ATP10A: variants seen among roughly 807,000 people sequenced by gnomAD.
ATP10A encodes phospholipid-transporting ATPase VA.
In ATP10A, 111 loss-of-function variants were observed where a neutral mutation model predicts 147.8. The observed-to-expected ratio is 0.75, with a 90% CI of 0.64 to 0.88. ATP10A has a LOEUF of 0.88. Among genes scored for constraint, ATP10A ranks in the 40% least tolerant of loss-of-function variants. ATP10A has a pLI of 0.00. For missense variants in ATP10A, 1,927 were observed against 1,959.0 expected (o/e 0.98, Z 0.31); for synonymous variants, 875 against 841.6 (o/e 1.04, Z -0.69).
chr15:25,802,420 T>C (rs28532167), intron 1 of ATP10A, among the ~76,000 whole-genome samples: 62,562 of 151,670 alleles, frequency 0.41, 13,322 homozygotes, highest in Middle Eastern at 0.54. Flanking sequence ...ACCTTGCGTG[T>C]TGTGTTCCGA....
At chr15:25,739,495 CG>C in intron 2 of ATP10A, among the ~76,000 whole-genome samples, 1 of 152,224 alleles carries the variant, frequency 6.6e-6, no homozygotes, top group South Asian at 2.1e-4. Flanking sequence ...CTCGGATCTC[CG>C]GGGTCTCTGT....
intron 1 of ATP10A, among the ~76,000 whole-genome samples, chr15:25,784,669 A>T (rs1260012977): frequency 6.6e-6 from 1 of 152,186 alleles, no homozygotes; most frequent in Non-Finnish European, 1.5e-5. Flanking sequence ...TCACGCCTGT[A>T]ATCCCAGCAC....
intron 2 of ATP10A, among the ~76,000 whole-genome samples, chr15:25,756,190 C>T (rs1483055386): frequency 6.6e-6 from 1 of 152,182 alleles, no homozygotes; most frequent in Non-Finnish European, 1.5e-5. Flanking sequence ...AACAGGTAAG[C>T]AGAAGATTGA....
At chr15:25,711,237 C>T (rs79085985) in intron 10 of ATP10A, among the ~76,000 whole-genome samples, 5,924 of 152,118 alleles carry the variant, frequency 0.039, 156 homozygotes, top group East Asian at 0.15. Flanking sequence ...GAAAGTGTTT[C>T]GAGCCCTCTG....
chr15:25,710,907 T>C (rs951445147), intron 10 of ATP10A: 18 of 152,258 alleles, frequency 1.2e-4, no homozygotes, highest in Admixed American at 3.9e-4. Flanking sequence ...TTGGGAAAGG[T>C]ACCGAGTGGA....
At chr15:25,756,288 TTC>T (rs1482984049) in intron 2 of ATP10A, among the ~76,000 whole-genome samples, 3 of 152,210 alleles carry the variant, frequency 2.0e-5, no homozygotes, top group African/African-American at 7.2e-5. Flanking sequence ...TCTGTATGTG[TTC>T]TGTGTATGTG....
chr15:25,782,851 C>T (rs1242987493), intron 1 of ATP10A, among the ~76,000 whole-genome samples: 2 of 151,908 alleles, frequency 1.3e-5, no homozygotes, highest in East Asian at 3.9e-4. Flanking sequence ...TGGAAACATA[C>T]CTTGGAGAGG....
At chr15:25,768,817 C>T (rs1889174200) in intron 2 of ATP10A, among the ~76,000 whole-genome samples, 1 of 151,276 alleles carries the variant, frequency 6.6e-6, no homozygotes, top group South Asian at 2.1e-4. Context: ...GTGTAAACCA[C>T]CATGCCTGGT....
downstream of ATP10A, among the ~76,000 whole-genome samples, chr15:25,676,772 C>G (rs959777106): frequency 1.3e-5 from 2 of 151,920 alleles, no homozygotes; most frequent in Admixed American, 6.6e-5. Context: ...ATATTAAATC[C>G]TTTTGCATCC....
intron 2 of ATP10A, among the ~76,000 whole-genome samples, chr15:25,776,978 C>T (rs1454443218): frequency 6.6e-6 from 1 of 152,182 alleles, no homozygotes; most frequent in East Asian, 1.9e-4. Context: ...CTGGACTCAT[C>T]TCACTGCTCC....
intron 15 of ATP10A, among the ~76,000 whole-genome samples, chr15:25,690,083 T>C (rs1410207058): frequency 6.6e-6 from 1 of 152,170 alleles, no homozygotes; most frequent in African/African-American, 2.4e-5. Context: ...CCACATACAA[T>C]TTCTGACTCC....
intron 1 of ATP10A, among the ~76,000 whole-genome samples, chr15:25,860,765 A>G (rs1368432724): frequency 1.3e-5 from 2 of 152,216 alleles, no homozygotes; most frequent in Admixed American, 1.3e-4. Flanking sequence ...TAGCTTTTAG[A>G]TCCCAACCTC....
At chr15:25,810,087 GAACCC>G (rs1891363283) in intron 1 of ATP10A, among the ~76,000 whole-genome samples, 1 of 151,920 alleles carries the variant, frequency 6.6e-6, no homozygotes, top group African/African-American at 2.4e-5. Context: ...CTAGCAACTA[GAACCC>G]TTGCTGAGGG....
At chr15:25,797,775 C>G (rs1890746345) in intron 1 of ATP10A, among the ~76,000 whole-genome samples, 1 of 152,068 alleles carries the variant, frequency 6.6e-6, no homozygotes, top group Non-Finnish European at 1.5e-5. Context: ...AGACTGCCGC[C>G]CTGGGGGGTG....
intron 2 of ATP10A, among the ~76,000 whole-genome samples, chr15:25,770,957 C>A (rs986645022): frequency 4.6e-5 from 7 of 152,138 alleles, no homozygotes. Context: ...GGATTGAGGC[C>A]CTGAATTTTG....
At chr15:25,714,965 T>TAC (rs10523875) in intron 9 of ATP10A, among the ~76,000 whole-genome samples, 8,031 of 145,580 alleles carry the variant, frequency 0.055, 245 homozygotes, top group East Asian at 0.072. Flanking sequence ...ATGACACATA[T>TAC]ACACACACAC....
intron 1 of ATP10A, among the ~76,000 whole-genome samples, chr15:25,812,293 G>T (rs995207008): frequency 2.6e-5 from 4 of 152,156 alleles, no homozygotes; most frequent in Admixed American, 2.0e-4. Context: ...TCCTCACCCT[G>T]TTAAAAAGAC....
intron 2 of ATP10A, among the ~76,000 whole-genome samples, chr15:25,772,218 G>A (rs577947289): frequency 6.6e-6 from 1 of 152,210 alleles, no homozygotes; most frequent in Non-Finnish European, 1.5e-5. Flanking sequence ...CCAATTCCAG[G>A]TTCTGGGCTG....
At chr15:25,815,914 C>A (rs1891634649) in intron 1 of ATP10A, among the ~76,000 whole-genome samples, 2 of 151,670 alleles carry the variant, frequency 1.3e-5, no homozygotes, top group Non-Finnish European at 1.5e-5. Context: ...GGAAATTTTG[C>A]CTAACTCTAT....
Sources: gnomAD v4.1 joint callset for allele counts (sites outside exome capture counted in the v4.1 genomes callset) on GRCh38, gnomAD v4.1.1 for gene constraint, MANE v1.5 for transcripts, NCBI Gene and HGNC (gene_info 2026-07-23, HGNC 2026-07-21) for gene names.